The following PIP4K2A variants were observed in gnomAD, a reference collection of about 807,000 sequenced individuals.
PIP4K2A encodes phosphatidylinositol-5-phosphate 4-kinase type 2 alpha.
A neutral mutation model predicts 42.9 loss-of-function variants in PIP4K2A; 14 were observed. The ratio of observed to expected loss-of-function variants is 0.33; its 90% CI spans 0.22 to 0.51. The LOEUF (loss-of-function observed/expected upper bound fraction) is 0.51, where lower values mean the gene tolerates loss of function less well. Ranked by LOEUF, PIP4K2A falls within the 20% of genes least tolerant of loss-of-function variation. The probability of loss-of-function intolerance (pLI) is 0.97; values close to 1 mark genes in which losing one functional copy is unlikely to be tolerated. For missense variants in PIP4K2A, 434 were observed against 519.8 expected (o/e 0.83, Z 1.61); for synonymous variants, 192 against 192.2 (o/e 1.00, Z 0.01).
Position 22,573,363 on chromosome 10 carries a change from G to T in PIP4K2A, c.587C>A (p.Thr196Lys), listed in dbSNP as rs1431084604. ...CAAACGGTGGCTGAATACATTTCTT[G>T]TAACTATCACATATATTTCAACTCC... The part of the protein sequence containing the change: ...VDGVEIYVIV[T>K]RNVFSHRLSV... The change falls in exon 5 of 10, where the codon ACA becomes AAA. Residue 196 changes from threonine (T) to lysine (K), a missense_variant. Transcript: ENST00000376573. 1 of 1,613,366 alleles carries T rather than the reference G, an allele frequency of 6.2e-7. No homozygotes were observed. Among genetic ancestry groups the T allele is most frequent in the East Asian group, 2.2e-5 (1 of 44,884 alleles).
intron 1 of PIP4K2A, among the ~76,000 whole-genome samples, chr10:22,621,493 A>C (rs1370038576): frequency 6.6e-6 from 1 of 152,238 alleles, no homozygotes; most frequent in Non-Finnish European, 1.5e-5. Flanking sequence ...CTAAAACTAG[A>C]GTTCCCCAAG....
At chr10:22,639,374 G>A (rs1206318335) in intron 1 of PIP4K2A, among the ~76,000 whole-genome samples, 25 of 134,228 alleles carry the variant, frequency 1.9e-4, no homozygotes, top group African/African-American at 6.1e-4. Context: ...AAAAAAAAAA[G>A]AATTAACATT....
intron 1 of PIP4K2A, among the ~76,000 whole-genome samples, chr10:22,650,039 C>T (rs1042172980): frequency 6.6e-6 from 1 of 152,100 alleles, no homozygotes; most frequent in African/African-American, 2.4e-5. Flanking sequence ...TGTGTATCTC[C>T]CCAGAACCCA....
intron 1 of PIP4K2A, among the ~76,000 whole-genome samples, chr10:22,691,463 G>GA (rs11402834): frequency 0.46 from 70,286 of 151,942 alleles, 18,847 homozygotes; most frequent in African/African-American, 0.74. Flanking sequence ...CTTTATACCA[G>GA]GGAGACTTGT....
Position 22,614,366 on chromosome 10 carries a change from G to GT in PIP4K2A, c.145-4650dup, listed in dbSNP as rs1188732462. ...GATTGTAATATGTCCTGGTACAGCA[G>GT]TATCTATACCTTCATAATTGAGTAG... On this transcript the variant is annotated intron_variant, in intron 1 of 9. Transcript: ENST00000376573. 4.6e-5 allele frequency among the ~76,000 whole-genome samples: 7 copies of GT among 152,228 alleles called. No homozygotes were observed. The East Asian group carries it at 9.6e-4, about 21-fold the overall frequency.
intron 4 of PIP4K2A, among the ~76,000 whole-genome samples, chr10:22,581,281 C>T (rs796321236): frequency 7.5e-5 from 7 of 93,550 alleles, no homozygotes; most frequent in South Asian, 3.0e-4. Flanking sequence ...GCACCTGGAG[C>T]GGAGGCTTGA....
At chr10:22,539,646 G>A (rs1836039586) in intron 9 of PIP4K2A, 1 of 263,106 alleles carries the variant, frequency 3.8e-6, no homozygotes, top group African/African-American at 2.2e-5. Flanking sequence ...ATGCCTGTTA[G>A]TGTCCGCCAT....
chr10:22,612,559 A>T (rs914060598), intron 1 of PIP4K2A, among the ~76,000 whole-genome samples: 7 of 152,194 alleles, frequency 4.6e-5, no homozygotes, highest in Non-Finnish European at 8.8e-5. Flanking sequence ...GCTGCTGTAG[A>T]ATTGCACCAG....
chr10:22,658,029 C>A (rs146010179), intron 1 of PIP4K2A, among the ~76,000 whole-genome samples: 22 of 152,230 alleles, frequency 1.4e-4, no homozygotes, highest in Non-Finnish European at 1.8e-4. Flanking sequence ...GAAGTACAGA[C>A]AGGAAGAGAA....
intron 1 of PIP4K2A, among the ~76,000 whole-genome samples, chr10:22,617,855 G>A (rs139020191): frequency 1.2e-4 from 18 of 152,194 alleles, no homozygotes; most frequent in South Asian, 2.1e-4. Flanking sequence ...ATTGAAAAAG[G>A]GCTCACTTTA....
chr10:22,555,582 T>A (rs1239885614), intron 6 of PIP4K2A, among the ~76,000 whole-genome samples: 1 of 152,180 alleles, frequency 6.6e-6, no homozygotes, highest in Non-Finnish European at 1.5e-5. Context: ...TGCCCAAACC[T>A]CAGTTTCCTT....
intron 4 of PIP4K2A, among the ~76,000 whole-genome samples, chr10:22,589,422 T>C (rs1293904647): frequency 6.6e-6 from 1 of 152,208 alleles, no homozygotes; most frequent in Non-Finnish European, 1.5e-5. Flanking sequence ...GGCAGTAGCA[T>C]AAGCAGTGTA....
chr10:22,646,567 A>C (rs1838887512), intron 1 of PIP4K2A, among the ~76,000 whole-genome samples: 1 of 152,062 alleles, frequency 6.6e-6, no homozygotes, highest in Non-Finnish European at 1.5e-5. Context: ...CAAAAAAAAC[A>C]CAAAAATCAA....
intron 7 of PIP4K2A, among the ~76,000 whole-genome samples, chr10:22,543,786 G>A (rs758118483): frequency 2.0e-5 from 3 of 152,184 alleles, no homozygotes; most frequent in Admixed American, 6.5e-5. Flanking sequence ...TCCTCCACCC[G>A]CACGGTGAAG....
At chr10:22,563,999 T>C (rs113339465) in intron 6 of PIP4K2A, among the ~76,000 whole-genome samples, 220 of 152,324 alleles carry the variant, frequency 1.4e-3, no homozygotes, top group African/African-American at 4.7e-3. Context: ...AGCAGAGTCC[T>C]AGAAAGATGA....
chr10:22,714,511 G>A lies in PIP4K2A; in HGVS notation c.-185C>T, dbSNP rs1406622194. The stretch of plus-strand genomic sequence containing the variant: ...CTCGCTCCGCCCGCTCGGCCCGGCA[G>A]ACTGCGCTCGGCTCGCGCCCCGGCC... On this transcript the variant is annotated 5_prime_UTR_variant, in exon 1 of 10. Transcript: ENST00000376573. 2 of 166,052 alleles carry A rather than the reference G, an allele frequency of 1.2e-5. No individual in the cohort carries two copies. Among genetic ancestry groups the A allele is most frequent in the Non-Finnish European group, 2.4e-5 (2 of 83,904 alleles). 10.3% of individuals were successfully genotyped at this position (166,052 alleles called of 1,614,324 possible). A position where few individuals can be genotyped will look rare whatever the true frequency, so the allele number is the denominator to read the frequency against.
intron 6 of PIP4K2A, among the ~76,000 whole-genome samples, chr10:22,562,276 C>T (rs1370989006): frequency 7.9e-5 from 12 of 152,130 alleles, no homozygotes; most frequent in East Asian, 3.9e-4. Context: ...TGGCCGGGCG[C>T]GGTGGCTAAT....
At chr10:22,550,051 A>T (rs552019711) in intron 7 of PIP4K2A, among the ~76,000 whole-genome samples, 21 of 152,258 alleles carry the variant, frequency 1.4e-4, no homozygotes, top group Non-Finnish European at 2.9e-4. Context: ...TTATGGACGA[A>T]AGCCCCTTGG....
At position 22,664,152 on chromosome 10, in the gene PIP4K2A, CACATATATATATATACAT is replaced by C. The variant is rs1564460141; in HGVS notation, c.144+50013_144+50030del. On this transcript the variant is annotated intron_variant, in intron 1 of 9. Coordinates refer to ENST00000376573, the MANE Select transcript of PIP4K2A (RefSeq NM_005028.5). Reference sequence around the variant, plus strand: ...ATACATATATATATACATATATATACACATATATATATATACATATATATATATACATATATATACATA... The same window carrying C: ...ATACATATATATATACATATATATACATATATATATACATATATATACATA... 2.3e-3 allele frequency among the ~76,000 whole-genome samples: 48 copies of C among 20,870 alleles called. 7 individuals are homozygous for C. The highest frequency in any genetic ancestry group is 9.8e-3 in the African/African-American group (45 of 4,590). The allele number at this position is 20,870 out of a possible 152,430, so 13.7% of individuals were successfully genotyped here.
Sources: allele counts gnomAD v4.1 joint callset (sites outside exome capture counted in the v4.1 genomes callset), GRCh38; gene constraint gnomAD v4.1.1; transcripts MANE v1.5; gene names NCBI Gene and HGNC (gene_info 2026-07-23, HGNC 2026-07-21).